The following NHSL1 variants were observed in gnomAD, a reference collection of about 807,000 sequenced individuals.
NHSL1 encodes NHS like 1, also known as NHS-like protein 1.
NHSL1 carries 48 observed loss-of-function variants against 95.0 expected under a neutral mutation model. The ratio of observed to expected loss-of-function variants is 0.51; its 90% CI spans 0.40 to 0.64. NHSL1 has a LOEUF of 0.64. Among genes scored for constraint, NHSL1 ranks in the 30% least tolerant of loss-of-function variants. The pLI is 0.00. For missense variants in NHSL1, 1,971 were observed against 2,077.7 expected, an observed-to-expected ratio of 0.95 and a Z score of 1.00; for synonymous variants, 783 against 833.9, an observed-to-expected ratio of 0.94 and a Z score of 1.05.
chr6:138,639,653 A>T (rs1343204259), intron 1 of NHSL1, among the ~76,000 whole-genome samples: 1 of 151,734 alleles, frequency 6.6e-6, no homozygotes, highest in Non-Finnish European at 1.5e-5. Flanking sequence ...AAAAAAAAAA[A>T]AAATTAGCTG....
intron 1 of NHSL1, among the ~76,000 whole-genome samples, chr6:138,537,914 G>C (rs536571826): frequency 5.3e-5 from 8 of 152,220 alleles, no homozygotes; most frequent in Admixed American, 2.0e-4. Context: ...GAGAAGTCCA[G>C]AGCATCAGAC....
chr6:138,636,621 T>C (rs1396688594), intron 1 of NHSL1, among the ~76,000 whole-genome samples: 3 of 152,110 alleles, frequency 2.0e-5, no homozygotes, highest in Admixed American at 1.3e-4. Context: ...ATGCCAACAG[T>C]GAACAATCTG....
At chr6:138,607,539 G>A (rs1784451055) in intron 1 of NHSL1, among the ~76,000 whole-genome samples, 1 of 152,228 alleles carries the variant, frequency 6.6e-6, no homozygotes, top group Non-Finnish European at 1.5e-5. Context: ...AAGTGAGATG[G>A]AATATGATCA....
At chr6:138,548,015 G>A (rs117024081), upstream of NHSL1, among the ~76,000 whole-genome samples, 4,353 of 152,232 alleles carry the variant, frequency 0.029, 82 homozygotes, top group South Asian at 0.051. Flanking sequence ...TAATGAGACC[G>A]AGTCTCACTC....
rs1785686410 is a variant in NHSL1 at position 138,692,192 on chromosome 6, A to G, written c.96+284T>C. 1 of 456,402 alleles carries G rather than the reference A, an allele frequency of 2.2e-6. No homozygotes were observed. The highest frequency in any genetic ancestry group is 4.4e-6 in the Non-Finnish European group (1 of 226,806). The allele number at this position is 456,402 out of a possible 1,614,324, so 28.3% of individuals were successfully genotyped here. On this transcript the variant is annotated intron_variant, in intron 1 of 3. Transcript: ENST00000491526. This position sits in a 1 kb window ranked among gnomAD's most constrained non-coding sequence, Gnocchi z 4.0. ...CGGGGTCTCCCAAACAGACAGACAC[A>G]GACAGACAGAAGGAGCAGACAAGGG... is the stretch of plus-strand genomic sequence containing the variant.
At chr6:138,617,440 C>T (rs1784595076) in intron 1 of NHSL1, among the ~76,000 whole-genome samples, 1 of 152,216 alleles carries the variant, frequency 6.6e-6, no homozygotes, top group African/African-American at 2.4e-5. Flanking sequence ...TTCTTTGTCT[C>T]ACACTGTCTC....
chr6:138,600,521 C>G (rs1784357795), intron 1 of NHSL1, among the ~76,000 whole-genome samples: 1 of 152,200 alleles, frequency 6.6e-6, no homozygotes, highest in Admixed American at 6.5e-5. Context: ...TGCTTTTAAA[C>G]TTTTATTTTA....
chr6:138,481,247 A>G (rs1213582372), intron 2 of NHSL1, among the ~76,000 whole-genome samples: 8 of 152,162 alleles, frequency 5.3e-5, no homozygotes, highest in African/African-American at 1.9e-4. Context: ...TAGAGAACTT[A>G]TTTTCTTAAT....
intron 1 of NHSL1, among the ~76,000 whole-genome samples, chr6:138,569,316 C>A (rs917874313): frequency 1.1e-4 from 17 of 150,920 alleles, no homozygotes; most frequent in African/African-American, 3.7e-4. Flanking sequence ...AGAGAGAGAG[C>A]GAGAGAGTGG....
At chr6:138,587,681 C>G (rs999969657) in intron 1 of NHSL1, among the ~76,000 whole-genome samples, 4 of 152,076 alleles carry the variant, frequency 2.6e-5, no homozygotes, top group South Asian at 4.1e-4. Context: ...AATGAAGAAG[C>G]CTGACATTTT....
chr6:138,459,744 T>C (rs1408617899), intron 3 of NHSL1, among the ~76,000 whole-genome samples: 2 of 152,322 alleles, frequency 1.3e-5, no homozygotes, highest in South Asian at 2.1e-4. Context: ...AGTTCTGCTA[T>C]ATTTTTTTAA....
intron 1 of NHSL1, among the ~76,000 whole-genome samples, chr6:138,681,568 A>G (rs566107512): frequency 5.3e-5 from 8 of 152,342 alleles, no homozygotes; most frequent in African/African-American, 1.7e-4. Context: ...TGGGAGAAGC[A>G]GGCTAGTGCC....
At chr6:138,489,895 A>T (rs1583290845) in intron 2 of NHSL1, among the ~76,000 whole-genome samples, 1 of 79,338 alleles carries the variant, frequency 1.3e-5, no homozygotes. Context: ...AGAGGGAGAG[A>T]GGGAGAGAGC....
chr6:138,540,312 T>C (rs1782530367), intron 1 of NHSL1, among the ~76,000 whole-genome samples: 1 of 152,236 alleles, frequency 6.6e-6, no homozygotes, highest in African/African-American at 2.4e-5. Flanking sequence ...TTCCCAGGGT[T>C]GCTTTGCATT....
intron 1 of NHSL1, among the ~76,000 whole-genome samples, chr6:138,668,994 GT>G (rs1352483253): frequency 1.3e-5 from 2 of 152,100 alleles, no homozygotes; most frequent in Non-Finnish European, 2.9e-5. Flanking sequence ...CTCATGACTA[GT>G]TGCATTTACT....
intron 4 of NHSL1, among the ~76,000 whole-genome samples, chr6:138,445,637 G>C (rs528209265): frequency 4.6e-5 from 7 of 152,074 alleles, no homozygotes; most frequent in African/African-American, 1.4e-4. Context: ...CTAAATATCT[G>C]GTAAGGTTTT....
intron 3 of NHSL1, among the ~76,000 whole-genome samples, chr6:138,455,654 T>C: frequency 6.6e-6 from 1 of 152,172 alleles, no homozygotes; most frequent in East Asian, 1.9e-4. Context: ...ATAATAGTAA[T>C]AGCTATTAAA....
At chr6:138,481,227 T>C (rs1779399056) in intron 2 of NHSL1, among the ~76,000 whole-genome samples, 1 of 152,152 alleles carries the variant, frequency 6.6e-6, no homozygotes, top group Non-Finnish European at 1.5e-5. Flanking sequence ...ATATCATGTA[T>C]TGTGAATATT....
intron 1 of NHSL1, among the ~76,000 whole-genome samples, chr6:138,593,151 G>A (rs186552329): frequency 3.7e-4 from 56 of 152,296 alleles, no homozygotes; most frequent in African/African-American, 1.3e-3. Context: ...AACTGTAAAG[G>A]ATCCGAGTGA....
Sources: allele counts gnomAD v4.1 joint callset (sites outside exome capture counted in the v4.1 genomes callset), GRCh38; gene constraint gnomAD v4.1.1; non-coding constraint Gnocchi (gnomAD v3.1); transcripts MANE v1.5; gene names NCBI Gene and HGNC (gene_info 2026-07-23, HGNC 2026-07-21).